CBLC: variants seen among roughly 807,000 people sequenced by gnomAD.
The protein encoded by CBLC is Cbl proto-oncogene C.
Under a neutral mutation model 58.6 loss-of-function variants are expected in CBLC, and 46 were observed. The observed-to-expected ratio is 0.79, with a 90% confidence interval of 0.62 to 1.00. CBLC has a LOEUF of 1.00. Among genes scored for constraint, CBLC ranks in the 50% least tolerant of loss-of-function variants. The probability of loss-of-function intolerance (pLI) is 0.00; values close to 1 mark genes in which losing one functional copy is unlikely to be tolerated. For missense variants in CBLC, 655 were observed against 625.8 expected, an observed-to-expected ratio of 1.05 and a Z score of -0.50; for synonymous variants, 271 against 264.2, an observed-to-expected ratio of 1.03 and a Z score of -0.25.
chr19:44,782,821 C>A (rs1207083947), intron 4 of CBLC, among the ~76,000 whole-genome samples: 2 of 152,028 alleles, frequency 1.3e-5, no homozygotes, highest in Non-Finnish European at 2.9e-5. Flanking sequence ...TATGAATTTC[C>A]CACCTGTTGG....
In CBLC at chr19:44,778,253, G is replaced by A. The variant is rs1967624648; in HGVS notation, c.322G>A (p.Asp108Asn). 6.9e-7 allele frequency: 1 copy of A among 1,449,626 alleles called. No individual in the cohort carries two copies. Among genetic ancestry groups the A allele is most frequent in the South Asian group, 1.5e-5 (1 of 68,416 alleles). The allele number at this position is 1,449,626 out of a possible 1,614,324, so 89.8% of individuals were successfully genotyped here. Residue 108 changes from aspartate to asparagine, a missense_variant, in exon 1 of 11, where the codon GAC (aspartate) becomes AAC (asparagine). Coordinates refer to ENST00000647358, the MANE Select transcript of CBLC (RefSeq NM_012116.4). ...LPPRGRRSAN[D>N]ELFRAGSRLR... ...TCCCCGGGGCCGAAGGAGTGCCAAC[G>A]ACGAGCTCTTCCGGGCGGGCTCCAG...
At chr19:44,787,682 T>A (rs1285725986) in intron 5 of CBLC, among the ~76,000 whole-genome samples, 1 of 151,208 alleles carries the variant, frequency 6.6e-6, no homozygotes, top group Admixed American at 6.6e-5. Context: ...CCAGGCATGG[T>A]GGCAGGCGCC....
At chr19:44,788,918 G>A (rs1967977410) in intron 5 of CBLC, among the ~76,000 whole-genome samples, 2 of 152,242 alleles carry the variant, frequency 1.3e-5, no homozygotes, top group Admixed American at 6.5e-5. Context: ...GTCACACAGT[G>A]TGTTAGTGAG....
intron 5 of CBLC, among the ~76,000 whole-genome samples, chr19:44,789,092 T>G (rs1967981677): frequency 6.6e-6 from 1 of 152,112 alleles, no homozygotes; most frequent in Non-Finnish European, 1.5e-5. Flanking sequence ...GAGGAAATGA[T>G]CCAGGGGGAG....
Position 44,800,547 on chromosome 19 carries a change from A to G in CBLC, c.*8-4A>G, listed in dbSNP as rs952247176. 3 of 721,988 alleles carry G rather than the reference A, an allele frequency of 4.2e-6. No homozygotes were observed. The highest frequency in any genetic ancestry group is 2.7e-5 in the East Asian group (1 of 37,044). 44.7% of individuals were successfully genotyped at this position (721,988 alleles called of 1,614,324 possible). A position where few individuals can be genotyped will look rare whatever the true frequency, so the allele number is the denominator to read the frequency against. On this transcript the variant is annotated splice_region_variant and splice_polypyrimidine_tract_variant and intron_variant, in intron 10 of 10. Transcript: ENST00000647358. Reference sequence around the variant, plus strand: ...ATCTAACCCACCCCTCTCTCCGCCTACAGGGCACCCAGATGTGCTGCTCAA... The same window carrying G: ...ATCTAACCCACCCCTCTCTCCGCCTGCAGGGCACCCAGATGTGCTGCTCAA...
rs1555781029 is a variant in CBLC at position 44,794,193 on chromosome 19, T to TC, written c.1285-8dup. On this transcript the variant is annotated splice_polypyrimidine_tract_variant and intron_variant, in intron 8 of 10. Transcript: ENST00000647358. Reference sequence around the variant, plus strand: ...TCACAAGCCCCTTCTCCTTCCTCTGTCCCACCCCAGGTGCCCCTTTCGGCT... The same window carrying TC: ...TCACAAGCCCCTTCTCCTTCCTCTGTCCCCACCCCAGGTGCCCCTTTCGGCT... 3.6e-3 allele frequency: 5,702 copies of TC among 1,602,440 alleles called. 165 individuals are homozygous for TC. In the African/African-American group the frequency reaches 0.067, roughly 19 times the overall value.
chr19:44,785,727 G>C (rs1173568070), intron 5 of CBLC, among the ~76,000 whole-genome samples: 1 of 151,856 alleles, frequency 6.6e-6, no homozygotes, highest in Non-Finnish European at 1.5e-5. Context: ...CCTGAGATCA[G>C]GAGTTCAAGA....
chr19:44,799,180 A>G (rs1190296800), intron 9 of CBLC, among the ~76,000 whole-genome samples: 1 of 152,018 alleles, frequency 6.6e-6, no homozygotes, highest in Non-Finnish European at 1.5e-5. Context: ...AGAGCGAAAA[A>G]CAGGGCCTTG....
intron 7 of CBLC, 108 bp downstream of exon 7, chr19:44,792,622 A>G: frequency 3.3e-6 from 4 of 1,221,794 alleles, no homozygotes; most frequent in Non-Finnish European, 4.4e-6. Context: ...ACCGAAGGCC[A>G]GAGAGGGCAA....
chr19:44,799,822 G>C (rs1568566891), intron 9 of CBLC, among the ~76,000 whole-genome samples: 3 of 149,246 alleles, frequency 2.0e-5, no homozygotes, highest in African/African-American at 7.4e-5. Flanking sequence ...GAGAGCGAGA[G>C]AGAAAGAAGA....
chr19:44,782,250 T>C (rs1390514583), intron 3 of CBLC, 120 bp from the exon 4 acceptor site: 8 of 1,414,358 alleles, frequency 5.7e-6, no homozygotes, highest in Non-Finnish European at 7.7e-6. Context: ...GTAAAAGGGA[T>C]ATGCCTGAGG....
chr19:44,796,884 CAA>C (rs59160368), intron 9 of CBLC, among the ~76,000 whole-genome samples: 297 of 145,894 alleles, frequency 2.0e-3, no homozygotes, highest in African/African-American at 6.6e-3. Flanking sequence ...CCACAGCAAA[CAA>C]GAGAGCCAGC....
intron 5 of CBLC, among the ~76,000 whole-genome samples, chr19:44,788,542 C>T (rs982765368): frequency 1.4e-5 from 2 of 145,874 alleles, no homozygotes; most frequent in Non-Finnish European, 3.0e-5. Flanking sequence ...TGCAGTGGTG[C>T]GATATCCATT....
chr19:44,784,950 G>GTTTTTTTTTTTTTTTTTT (rs58171575), intron 5 of CBLC, among the ~76,000 whole-genome samples: 1 of 34,372 alleles, frequency 2.9e-5, no homozygotes, highest in African/African-American at 8.5e-5. Context: ...CTAGACAGGT[G>GTTTTTTTTTTTTTTTTTT]TTTTTTTTTT....
intron 7 of CBLC, 75 bp from the exon 8 acceptor site, chr19:44,793,399 G>T: frequency 6.9e-7 from 1 of 1,449,848 alleles, no homozygotes. Flanking sequence ...TTTTGGGCGG[G>T]GAGCTCCTCG....
intron 5 of CBLC, among the ~76,000 whole-genome samples, chr19:44,784,804 G>A (rs185351030): frequency 6.6e-6 from 1 of 151,928 alleles, no homozygotes; most frequent in Admixed American, 6.6e-5. Context: ...GGGCTCAAGC[G>A]ATCTTCCTGC....
In CBLC at chr19:44,778,301, G is replaced by A; in HGVS notation, c.353+17G>A. 7.0e-7 allele frequency: 1 copy of A among 1,421,974 alleles called. No individual in the cohort carries two copies. Among genetic ancestry groups the A allele is most frequent in the South Asian group, 1.5e-5 (1 of 65,796 alleles). The allele number at this position is 1,421,974 out of a possible 1,614,324, so 88.1% of individuals were successfully genotyped here. On this transcript the variant is annotated intron_variant, in intron 1 of 10. Transcript: ENST00000647358. ...CAGACTCAGGTGAGCCTTCGCCCCAGAACAAAGTCCTCTGGGGTGAGGCCC... is the reference window on the plus strand; with the variant it reads ...CAGACTCAGGTGAGCCTTCGCCCCAAAACAAAGTCCTCTGGGGTGAGGCCC...
intron 9 of CBLC, among the ~76,000 whole-genome samples, chr19:44,799,181 CAG>C (rs1968237715): frequency 6.6e-6 from 1 of 152,106 alleles, no homozygotes; most frequent in South Asian, 2.1e-4. Context: ...GAGCGAAAAA[CAG>C]GGCCTTGGCC....
At chr19:44,792,234 T>TC (rs911060959) in intron 6 of CBLC, 149 bp from the exon 7 acceptor site, 92 of 722,686 alleles carry the variant, frequency 1.3e-4, no homozygotes, top group Middle Eastern at 4.1e-4. Context: ...CCTCAGATGA[T>TC]CCCCCTGCCT....
Sources: gnomAD v4.1 joint callset for allele counts (sites outside exome capture counted in the v4.1 genomes callset) on GRCh38, gnomAD v4.1.1 for gene constraint, MANE v1.5 for transcripts, NCBI Gene and HGNC (gene_info 2026-07-23, HGNC 2026-07-21) for gene names.